The following MIS18BP1 variants were observed in gnomAD, a reference collection of about 807,000 sequenced individuals.
MIS18BP1 encodes the protein MIS18 binding protein 1, also known as mis18-binding protein 1.
In MIS18BP1, 72 loss-of-function variants were observed where a neutral mutation model predicts 116.1. That is an observed-to-expected ratio of 0.62 (90% CI 0.51 to 0.75). MIS18BP1 has a LOEUF of 0.75. MIS18BP1 is among the 30% of genes least tolerant of loss of function. The pLI is 0.00. For synonymous variants in MIS18BP1, 386 were observed against 427.0 expected (o/e 0.90, Z 1.18); for missense variants, 1,363 against 1,303.2 (o/e 1.05, Z -0.71).
intron 11 of MIS18BP1, among the ~76,000 whole-genome samples, chr14:45,221,646 T>A (rs567754091): frequency 3.7e-4 from 56 of 152,202 alleles, no homozygotes; most frequent in Non-Finnish European, 6.6e-4. Context: ...CTATTTTAAA[T>A]CTGTTAAGAG....
intron 4 of MIS18BP1, among the ~76,000 whole-genome samples, chr14:45,238,136 GTTTAGACCTGTATTCCAATT>G (rs1054070843): frequency 2.8e-5 from 4 of 143,782 alleles, no homozygotes; most frequent in Admixed American, 7.0e-5. Flanking sequence ...TTTTTGTAAA[GTTTAGACCTGTATTCCAATT>G]TTCTACAAAC....
chr14:45,207,080 T>C (rs1174859855), intron 14 of MIS18BP1, among the ~76,000 whole-genome samples: 1 of 152,222 alleles, frequency 6.6e-6, no homozygotes, highest in African/African-American at 2.4e-5. Flanking sequence ...CAAGCAAATA[T>C]GCTTCACTCA....
At chr14:45,218,131 T>C in intron 12 of MIS18BP1, 151 bp downstream of exon 12, 2 of 885,646 alleles carry the variant, frequency 2.3e-6, no homozygotes, top group Non-Finnish European at 3.3e-6. Context: ...GACTTAAAAA[T>C]TAAACAGATG....
chr14:45,210,382 A>G lies in MIS18BP1; in HGVS notation c.3150T>C (p.Asn1050=). Residue 1050 remains asparagine, a splice_region_variant and synonymous_variant, in exon 14 of 17, where the codon AAT becomes AAC. Transcript: ENST00000310806. ...HVSPGMLGSI[N]RNDCDKYVFR... ...ATATCATATGCATGAATATTTACCT[A>G]TTTATAGAACCTAGCATGCCAGGAC... 1.9e-6 allele frequency: 3 copies of G among 1,613,022 alleles called. No individual in the cohort carries two copies. Among genetic ancestry groups the G allele is most frequent in the Non-Finnish European group, 2.5e-6 (3 of 1,179,660 alleles).
At chr14:45,221,845 A>G (rs550289239) in intron 11 of MIS18BP1, among the ~76,000 whole-genome samples, 22 of 152,362 alleles carry the variant, frequency 1.4e-4, no homozygotes, top group Middle Eastern at 3.4e-3. Context: ...GTGGTTTCCT[A>G]TAACTGTGGA....
At chr14:45,209,383 A>G (rs577739471) in intron 14 of MIS18BP1, among the ~76,000 whole-genome samples, 3 of 151,926 alleles carry the variant, frequency 2.0e-5, no homozygotes, top group East Asian at 3.9e-4. Flanking sequence ...ATGGAGTGCA[A>G]TTGTTGCAAT....
At position 45,204,441 on chromosome 14, in the gene MIS18BP1, A is replaced by G. The variant is rs555891140; in HGVS notation, c.3253T>C (p.Phe1085Leu). ...NIKKKLVETD[F>L]STPTPRRKTP... ...TTCCTTCTTGGTGTTGGAGTTGAGA[A>G]ATCAGTTTCAACCTATAAAAGAGTT... Residue 1085 changes from phenylalanine (F) to leucine (L), a missense_variant, in exon 16 of 17, where the codon TTC becomes CTC. Transcript: ENST00000310806. 6.2e-7 allele frequency: 1 copy of G among 1,604,220 alleles called. No homozygotes were observed. Among genetic ancestry groups the G allele is most frequent in the East Asian group, 2.2e-5 (1 of 44,506 alleles).
At position 45,224,577 on chromosome 14, in the gene MIS18BP1, C is replaced by G. The variant is rs755709164; in HGVS notation, c.2010G>C (p.Leu670=). 5 of 1,612,902 alleles carry G rather than the reference C, an allele frequency of 3.1e-6. No homozygotes were observed. Among genetic ancestry groups the G allele is most frequent in the Non-Finnish European group, 4.2e-6 (5 of 1,179,708 alleles). The change falls in exon 11 of 17, where the codon CTG becomes CTC. Residue 670 remains leucine (L), a synonymous_variant. Transcript: ENST00000310806. ...VIEQRCMRYN[L]SAGTIKAVTD... is the part of the protein sequence containing the mutation. ...TTACTGCTTTGATGGTGCCAGCGGA[C>G]AGATTATACCTCATGCATCTTTGCT...
Position 45,232,722 on chromosome 14 carries a change from C to T in MIS18BP1, c.1436+11G>A. On this transcript the variant is annotated intron_variant, in intron 7 of 16. Coordinates refer to ENST00000310806, the MANE Select transcript of MIS18BP1 (RefSeq NM_018353.5). ...AAAGTTGACTTCTAAAAACATAAAACAACATTTTACCTTAATTGTTCCAGA... is the reference window on the plus strand; with the variant it reads ...AAAGTTGACTTCTAAAAACATAAAATAACATTTTACCTTAATTGTTCCAGA... The T allele has an allele frequency of 7.3e-7, 1 of 1,370,510 alleles. No homozygotes were observed. The highest frequency in any genetic ancestry group is 1.0e-6 in the Non-Finnish European group (1 of 995,004). The allele number at this position is 1,370,510 out of a possible 1,614,324, so 84.9% of individuals were successfully genotyped here.
chr14:45,249,458 T>A (rs1891810658), intron 1 of MIS18BP1, among the ~76,000 whole-genome samples: 2 of 152,204 alleles, frequency 1.3e-5, no homozygotes, highest in Non-Finnish European at 2.9e-5. Flanking sequence ...TGGGCTCAAG[T>A]GATCCTTCTG....
Position 45,221,066 on chromosome 14 carries a change from C to CG in MIS18BP1, c.2670-2613dup, listed in dbSNP as rs1890957978. Among the ~76,000 whole-genome samples the CG allele has an allele frequency of 4.0e-5, 6 of 151,492 alleles. No homozygotes were observed. In the South Asian group the frequency reaches 1.3e-3, roughly 32 times the overall value. On this transcript the variant is annotated intron_variant, in intron 11 of 16. Coordinates refer to ENST00000310806, the MANE Select transcript of MIS18BP1 (RefSeq NM_018353.5). ...AGGAGAATTGCTTAAACCCAGGAGG[C>CG]GGAGGTTGCAGTGAGCTGAGATCGT...
intron 10 of MIS18BP1, among the ~76,000 whole-genome samples, chr14:45,226,286 C>CA (rs1205712186): frequency 2.0e-5 from 3 of 151,904 alleles, no homozygotes; most frequent in East Asian, 1.9e-4. Context: ...AAATAAAACA[C>CA]AAAAAAATGC....
At chr14:45,251,895 G>A (rs971742338) in intron 1 of MIS18BP1, among the ~76,000 whole-genome samples, 8 of 152,092 alleles carry the variant, frequency 5.3e-5, no homozygotes, top group African/African-American at 1.9e-4. Flanking sequence ...CTATTGACAC[G>A]GAAATTCCAC....
Position 45,224,743 on chromosome 14 carries a change from G to T in MIS18BP1, c.1844C>A (p.Thr615Lys), listed in dbSNP as rs1348538517. 1 of 1,555,296 alleles carries T rather than the reference G, an allele frequency of 6.4e-7. No individual in the cohort carries two copies. Among genetic ancestry groups the T allele is most frequent in the Non-Finnish European group, 8.6e-7 (1 of 1,157,516 alleles). The change falls in exon 11 of 17, where the codon ACA becomes AAA. Residue 615 changes from threonine to lysine, a missense_variant. Thr to Lys is a moderately conservative substitution (Grantham distance 78). Transcript: ENST00000310806. Reference protein sequence around the residue: ...ERIIKSQKQETTEELDVSIDI... With the variant: ...ERIIKSQKQEKTEELDVSIDI... ...AATGGATACATCCAATTCTTCAGTT[G>T]TCTCTTTAATTTCATAAGACAAAAC...
intron 11 of MIS18BP1, 97 bp from the exon 12 acceptor site, chr14:45,218,551 TGAAG>T: frequency 9.0e-7 from 1 of 1,117,244 alleles, no homozygotes. Flanking sequence ...TTTACTGAGA[TGAAG>T]GAATCAGTTT....
At chr14:45,204,307 C>T (rs1019108921) in intron 16 of MIS18BP1, 92 bp downstream of exon 16, 2 of 1,533,724 alleles carry the variant, frequency 1.3e-6, no homozygotes, top group African/African-American at 2.8e-5. Context: ...CTAAGTCTGT[C>T]CACTTGAGAG....
In MIS18BP1 at chr14:45,203,899, T is replaced by C. The variant is rs1222532528; in HGVS notation, c.*210A>G. On this transcript the variant is annotated 3_prime_UTR_variant, in exon 17 of 17. Coordinates refer to ENST00000310806, the MANE Select transcript of MIS18BP1 (RefSeq NM_018353.5). The stretch of plus-strand genomic sequence containing the variant: ...ATATGCAAAAACAAATTTACAGATA[T>C]CTACACGAGCAAAAACAATTTTCTT... The C allele has an allele frequency of 7.0e-6, 3 of 429,764 alleles. No individual in the cohort carries two copies. The highest frequency in any genetic ancestry group is 4.2e-5 in the African/African-American group (2 of 48,148). The allele number at this position is 429,764 out of a possible 1,614,324, so 26.6% of individuals were successfully genotyped here. A position where few individuals can be genotyped will look rare whatever the true frequency, so the allele number is the denominator to read the frequency against.
chr14:45,243,765 A>T, intron 2 of MIS18BP1, among the ~76,000 whole-genome samples: 1 of 152,148 alleles, frequency 6.6e-6, no homozygotes, highest in East Asian at 1.9e-4. Context: ...TAGTAATTCA[A>T]TCAAATGCAA....
chr14:45,242,452 G>C lies in MIS18BP1; in HGVS notation c.725C>G (p.Thr242Ser). ...AATTTGTTTAGCCAACTGAGCTCTA[G>C]TTAATGTCTTGTTTCGGGCTTCTAC... ...LAVEARNKTL[T>S]RAQLAKQIFH... Residue 242 changes from threonine (T) to serine (S), a missense_variant, in exon 4 of 17, where the codon ACT (threonine) becomes AGT (serine). Physicochemically the swap from Thr to Ser is moderately conservative, Grantham distance 58 (BLOSUM62 1). Coordinates refer to ENST00000310806, the MANE Select transcript of MIS18BP1 (RefSeq NM_018353.5). 1 of 1,612,252 alleles carries C rather than the reference G, an allele frequency of 6.2e-7. No individual in the cohort carries two copies. Among genetic ancestry groups the C allele is most frequent in the Non-Finnish European group, 8.5e-7 (1 of 1,179,640 alleles).
Sources: allele counts gnomAD v4.1 joint callset (sites outside exome capture counted in the v4.1 genomes callset), GRCh38; gene constraint gnomAD v4.1.1; transcripts MANE v1.5; gene names NCBI Gene and HGNC (gene_info 2026-07-23, HGNC 2026-07-21).